PRH1: variants seen among roughly 807,000 people sequenced by gnomAD.
PRH1 encodes the protein salivary acidic proline-rich phosphoprotein 1/2.
Under a neutral mutation model 7.9 loss-of-function variants are expected in PRH1, and 7 were observed. The ratio of observed to expected loss-of-function variants is 0.89; its 90% CI spans 0.50 to 1.67. The LOEUF is 1.67. Among genes scored for constraint, PRH1 ranks in the 40% most tolerant of loss-of-function variants. The pLI is 0.00. For synonymous variants in PRH1, 45 were observed against 80.8 expected, an observed-to-expected ratio of 0.56 and a Z score of 2.38; for missense variants, 109 against 223.6, an observed-to-expected ratio of 0.49 and a Z score of 3.27.
intron 1 of PRH1, among the ~76,000 whole-genome samples, chr12:11,105,936 CTTTTTTTTT>C (rs765916131): frequency 0.02 from 1,908 of 94,942 alleles, 358 homozygotes; most frequent in Middle Eastern, 0.05. Flanking sequence ...ATAACTTATT[CTTTTTTTTT>C]TTTTTTTTTT....
chr12:11,059,114 G>C (rs1306168445), intron 1 of PRH1, among the ~76,000 whole-genome samples: 1 of 152,172 alleles, frequency 6.6e-6, no homozygotes, highest in African/African-American at 2.4e-5. Context: ...AATGGCCAAT[G>C]GGAAATCAAA....
chr12:11,061,256 G>C, intron 1 of PRH1: 5 of 1,471,666 alleles, frequency 3.4e-6, no homozygotes, highest in Non-Finnish European at 4.6e-6. Flanking sequence ...GTACATGCTT[G>C]AAAGTTATTC....
Position 10,976,872 on chromosome 12 carries a change from T to C in PRH1, c.-125-3151A>G, listed in dbSNP as rs538930520. On this transcript the variant is annotated intron_variant, in intron 1 of 3. Transcript: ENST00000539853. ...CCTCCAAGACTGAACTAAGAAGAAATTGCATCCCTAAATAAACCGATGATG... is the reference window on the plus strand; with the variant it reads ...CCTCCAAGACTGAACTAAGAAGAAACTGCATCCCTAAATAAACCGATGATG... 6.6e-5 allele frequency among the ~76,000 whole-genome samples: 10 copies of C among 151,752 alleles called. No individual in the cohort carries two copies. The South Asian group carries it at 1.9e-3, about 28-fold the overall frequency.
chr12:11,040,074 T>A (rs1399961269), intron 1 of PRH1, among the ~76,000 whole-genome samples: 2 of 152,214 alleles, frequency 1.3e-5, no homozygotes, highest in African/African-American at 4.8e-5. Context: ...TACTCAGCAA[T>A]TGTGTAACTA....
At chr12:10,882,912 C>T in intron 2 of PRH1, 149 bp downstream of exon 2, 1 of 1,418,130 alleles carries the variant, frequency 7.1e-7, no homozygotes, top group South Asian at 1.3e-5. Context: ...TCCCCAGAAT[C>T]AAGGTTGGGA....
intron 2 of PRH1, among the ~76,000 whole-genome samples, chr12:10,906,183 T>C (rs1449890757): frequency 6.6e-6 from 1 of 152,216 alleles, no homozygotes; most frequent in Non-Finnish European, 1.5e-5. Context: ...TAAAAATGCA[T>C]GTGGTATCAC....
chr12:11,098,790 A>G (rs1223533472), intron 1 of PRH1, among the ~76,000 whole-genome samples: 5 of 152,226 alleles, frequency 3.3e-5, no homozygotes, highest in South Asian at 4.1e-4. Flanking sequence ...ATACTTTTGT[A>G]TAACTTCATT....
At chr12:11,143,992 G>C (rs1360945333) in intron 1 of PRH1, among the ~76,000 whole-genome samples, 1 of 152,206 alleles carries the variant, frequency 6.6e-6, no homozygotes, top group Non-Finnish European at 1.5e-5. Flanking sequence ...CAGTTGAGGT[G>C]ATGGAGGGTG....
chr12:11,135,537 C>T (rs1039003346), intron 1 of PRH1, among the ~76,000 whole-genome samples: 3 of 49,534 alleles, frequency 6.1e-5, no homozygotes, highest in African/African-American at 1.7e-4. Flanking sequence ...AAATCCAAAG[C>T]CATGTGATAT....
At chr12:11,154,040 T>C (rs1947182656) in intron 1 of PRH1, among the ~76,000 whole-genome samples, 1 of 152,204 alleles carries the variant, frequency 6.6e-6, no homozygotes, top group South Asian at 2.1e-4. Context: ...TAGTATAAAA[T>C]ATTTTTGAGT....
chr12:11,033,756 A>C (rs904570894), intron 1 of PRH1, among the ~76,000 whole-genome samples: 1 of 152,224 alleles, frequency 6.6e-6, no homozygotes, highest in Admixed American at 6.5e-5. Flanking sequence ...ATTTCCCTTC[A>C]GTATATAATG....
chr12:11,070,977 A>C (rs77417128), intron 1 of PRH1, among the ~76,000 whole-genome samples: 1 of 148,760 alleles, frequency 6.7e-6, no homozygotes, highest in East Asian at 1.9e-4. Context: ...AAGAGAATGA[A>C]TTATGATTTT....
chr12:10,994,797 AT>A (rs34365504), intron 1 of PRH1, among the ~76,000 whole-genome samples: 33,967 of 152,088 alleles, frequency 0.22, 3,839 homozygotes, highest in Non-Finnish European at 0.24. Flanking sequence ...TGGTAACTAA[AT>A]TTTTTAAATG....
chr12:11,137,141 A>G (rs2136383254), intron 1 of PRH1, among the ~76,000 whole-genome samples: 1 of 152,274 alleles, frequency 6.6e-6, no homozygotes, highest in Middle Eastern at 3.4e-3. Flanking sequence ...GAGCAGCACT[A>G]GATCTCAAAA....
chr12:10,967,092 G>A (rs1198495188), intron 2 of PRH1, among the ~76,000 whole-genome samples: 3 of 147,368 alleles, frequency 2.0e-5, no homozygotes, highest in East Asian at 4.0e-4. Flanking sequence ...TCCAGCCTGG[G>A]CGACAGAGCA....
chr12:10,982,375 G>A (rs1038354709), intron 1 of PRH1, among the ~76,000 whole-genome samples: 1 of 152,280 alleles, frequency 6.6e-6, no homozygotes, highest in Admixed American at 6.5e-5. Flanking sequence ...TGGATTATAG[G>A]ATGAATGCAC....
intron 2 of PRH1, among the ~76,000 whole-genome samples, chr12:10,935,590 A>G (rs576755756): frequency 6.6e-6 from 1 of 151,818 alleles, no homozygotes; most frequent in East Asian, 1.9e-4. Context: ...AGTAATACCC[A>G]CTCCCCTAGA....
At chr12:11,061,315 A>G (rs1299689740) in intron 1 of PRH1, 1 of 1,559,222 alleles carries the variant, frequency 6.4e-7, no homozygotes, top group Non-Finnish European at 8.6e-7. Flanking sequence ...AATGCTTCAT[A>G]TAACACGTTT....
At chr12:10,990,848 A>G (rs1012342291) in intron 1 of PRH1, among the ~76,000 whole-genome samples, 3 of 152,198 alleles carry the variant, frequency 2.0e-5, no homozygotes, top group African/African-American at 7.2e-5. Context: ...GATGCCTTAG[A>G]GATGAGTTCT....
Sources: allele counts gnomAD v4.1 joint callset (sites outside exome capture counted in the v4.1 genomes callset), GRCh38; gene constraint gnomAD v4.1.1; transcripts MANE v1.5; gene names NCBI Gene and HGNC (gene_info 2026-07-23, HGNC 2026-07-21).